The following MACROD2 variants were observed in gnomAD, a reference collection of about 807,000 sequenced individuals.
The protein encoded by MACROD2 is ADP-ribose glycohydrolase MACROD2.
In MACROD2, 36 loss-of-function variants were observed where a neutral mutation model predicts 70.4. The observed-to-expected ratio is 0.51, with a 90% confidence interval of 0.39 to 0.68. MACROD2 has a LOEUF of 0.68. MACROD2 is among the 30% of genes least tolerant of loss of function. The pLI, the probability that MACROD2 is intolerant of heterozygous loss-of-function variation, is 0.00. For missense variants in MACROD2, 496 were observed against 538.4 expected (o/e 0.92, Z 0.78); for synonymous variants, 172 against 178.8 (o/e 0.96, Z 0.30).
chr20:14,607,951 G>A (rs1982910263), intron 4 of MACROD2, among the ~76,000 whole-genome samples: 1 of 152,030 alleles, frequency 6.6e-6, no homozygotes. Context: ...TAATTATTGT[G>A]GTTAAATCTA....
intron 5 of MACROD2, among the ~76,000 whole-genome samples, chr20:15,000,889 C>A (rs2074990002): frequency 6.6e-6 from 1 of 151,830 alleles, no homozygotes. Context: ...AGAGATGGTT[C>A]ATTAATAAAA....
chr20:14,768,607 C>T (rs1221016789), intron 5 of MACROD2, among the ~76,000 whole-genome samples: 2 of 152,058 alleles, frequency 1.3e-5, no homozygotes, highest in African/African-American at 4.8e-5. Context: ...GTATGAGCCA[C>T]TGTGCCCGAC....
intron 3 of MACROD2, among the ~76,000 whole-genome samples, chr20:14,488,241 A>T (rs1436688036): frequency 1.3e-5 from 2 of 152,240 alleles, no homozygotes; most frequent in African/African-American, 2.4e-5. Context: ...TAAACATTTC[A>T]ACTAATTTTT....
At chr20:14,607,865 A>T (rs1354740942) in intron 4 of MACROD2, among the ~76,000 whole-genome samples, 1 of 152,162 alleles carries the variant, frequency 6.6e-6, no homozygotes, top group Non-Finnish European at 1.5e-5. Context: ...AGAGAAGAAA[A>T]GGAAGGACTG....
intron 4 of MACROD2, among the ~76,000 whole-genome samples, chr20:14,669,753 G>A (rs1460290202): frequency 6.6e-6 from 1 of 151,946 alleles, no homozygotes; most frequent in Non-Finnish European, 1.5e-5. Flanking sequence ...TTATTTCTTG[G>A]AAAGAGAAAG....
intron 7 of MACROD2, among the ~76,000 whole-genome samples, chr20:15,472,027 T>C (rs1220988420): frequency 2.0e-5 from 3 of 152,214 alleles, no homozygotes; most frequent in Non-Finnish European, 4.4e-5. Flanking sequence ...GAGACTACAT[T>C]TACTGTTTTT....
rs187146433 is a variant in MACROD2 at position 15,567,147 on chromosome 20, A to T, written c.645+67300A>T. On this transcript the variant is annotated intron_variant, in intron 8 of 17. Coordinates refer to ENST00000684519, the MANE Select transcript of MACROD2 (RefSeq NM_001351661.2). ...TTTAAATACACTGGCTCTAGTTAAAATAACTTGGTTTTGATTCATATATTA... is the reference window on the plus strand; with the variant it reads ...TTTAAATACACTGGCTCTAGTTAAATTAACTTGGTTTTGATTCATATATTA... Among the ~76,000 whole-genome samples, 101 of 152,148 alleles carry T rather than the reference A, an allele frequency of 6.6e-4. 1 individual carries two copies. Among genetic ancestry groups the T allele is most frequent in the Admixed American group, 6.3e-3 (96 of 15,272 alleles).
At chr20:15,336,757 C>G (rs1357400470) in intron 6 of MACROD2, among the ~76,000 whole-genome samples, 1 of 151,778 alleles carries the variant, frequency 6.6e-6, no homozygotes, top group African/African-American at 2.4e-5. Context: ...CTCTCCTGCC[C>G]TTAAGCATTC....
In MACROD2 at chr20:15,439,289, A is replaced by C. The variant is rs149242780; in HGVS notation, c.571+7854A>C. On this transcript the variant is annotated intron_variant, in intron 7 of 17. Transcript: ENST00000684519. ...GCTTTGGAGTTACCTTCACTTTTAG[A>C]TTTATGCCCCAAAAGTCCACTGTAA... Among the ~76,000 whole-genome samples the C allele has an allele frequency of 5.3e-4, 80 of 152,278 alleles. 1 individual carries two copies. The East Asian group carries it at 0.014, about 26-fold the overall frequency.
In MACROD2 at chr20:15,627,430, A is replaced by G. The variant is rs112757346; in HGVS notation, c.645+127583A>G. On this transcript the variant is annotated intron_variant, in intron 8 of 17. Transcript: ENST00000684519. The stretch of plus-strand genomic sequence containing the variant: ...ATTGACGTGAGGCTGGCCATGCCAT[A>G]CAGGAGACCAAGTTACTACTCATAT... Among the ~76,000 whole-genome samples the G allele has an allele frequency of 1.1e-3, 173 of 152,268 alleles. 1 individual carries two copies. The highest frequency in any genetic ancestry group is 4.0e-3 in the African/African-American group (168 of 41,558).
intron 3 of MACROD2, among the ~76,000 whole-genome samples, chr20:14,311,479 A>C (rs903365297): frequency 6.6e-6 from 1 of 152,098 alleles, no homozygotes; most frequent in Admixed American, 6.6e-5. Flanking sequence ...CATTTTTTGA[A>C]CATATCCTGT....
intron 10 of MACROD2, among the ~76,000 whole-genome samples, chr20:15,916,169 C>A (rs1392729573): frequency 6.6e-6 from 1 of 152,138 alleles, no homozygotes; most frequent in Non-Finnish European, 1.5e-5. Context: ...CCCTACCCCA[C>A]CACCCACCTT....
chr20:14,705,392 G>A (rs562040613), intron 5 of MACROD2, among the ~76,000 whole-genome samples: 82 of 152,094 alleles, frequency 5.4e-4, no homozygotes, highest in African/African-American at 1.9e-3. Flanking sequence ...TGGAACTAAT[G>A]CAGAATGTAC....
intron 3 of MACROD2, among the ~76,000 whole-genome samples, chr20:14,300,000 T>C (rs1032700428): frequency 1.3e-5 from 2 of 152,196 alleles, no homozygotes; most frequent in African/African-American, 2.4e-5. Flanking sequence ...GTGACATTTC[T>C]GAGTCATGCC....
chr20:14,945,593 A>C (rs968273953), intron 5 of MACROD2, among the ~76,000 whole-genome samples: 1 of 152,158 alleles, frequency 6.6e-6, no homozygotes, highest in African/African-American at 2.4e-5. Context: ...AGTCTTATTT[A>C]TTAAAGGATT....
rs186411058 is a variant in MACROD2, at chr20:14,177,642, G to A, written c.271+91914G>A. Among the ~76,000 whole-genome samples the A allele has an allele frequency of 2.5e-3, 373 of 152,176 alleles. 2 individuals carry two copies. Among genetic ancestry groups the A allele is most frequent in the Non-Finnish European group, 3.8e-3 (255 of 67,998 alleles). Reference sequence around the variant, plus strand: ...AGATTTCTTCTATAACTAAAACACCGTTATACTCATGCTTGTATCGACCAA... The same window carrying A: ...AGATTTCTTCTATAACTAAAACACCATTATACTCATGCTTGTATCGACCAA... On this transcript the variant is annotated intron_variant, in intron 3 of 17. Transcript: ENST00000684519.
intron 3 of MACROD2, among the ~76,000 whole-genome samples, chr20:14,349,814 CTTT>C (rs538685508): frequency 7.6e-5 from 10 of 132,214 alleles, no homozygotes; most frequent in Admixed American, 1.6e-4. Context: ...TTCTTTTTTT[CTTT>C]TTTTTTTTTT....
intron 15 of MACROD2, among the ~76,000 whole-genome samples, chr20:16,007,715 A>G (rs954414948): frequency 6.6e-6 from 1 of 152,202 alleles, no homozygotes; most frequent in Non-Finnish European, 1.5e-5. Flanking sequence ...TCACACATTC[A>G]GTAGGTGGAG....
chr20:14,974,357 G>A (rs1268947297), intron 5 of MACROD2, among the ~76,000 whole-genome samples: 1 of 152,164 alleles, frequency 6.6e-6, no homozygotes, highest in Non-Finnish European at 1.5e-5. Context: ...TAAAGTTGGT[G>A]GTGCTGTCAT....
Sources: allele counts gnomAD v4.1 joint callset (sites outside exome capture counted in the v4.1 genomes callset), GRCh38; gene constraint gnomAD v4.1.1; transcripts MANE v1.5; gene names NCBI Gene and HGNC (gene_info 2026-07-23, HGNC 2026-07-21).